Variants in NFIX observed in about 807,000 individuals in gnomAD.
NFIX encodes nuclear factor I X, also known as nuclear factor 1 X-type.
NFIX carries 2 observed loss-of-function variants against 53.3 expected under a neutral mutation model. The ratio of observed to expected loss-of-function variants is 0.04; its 90% CI spans 0.02 to 0.12. The LOEUF (loss-of-function observed/expected upper bound fraction) is 0.12. Ranked by LOEUF, NFIX falls within the 10% of genes least tolerant of loss-of-function variation. The probability of loss-of-function intolerance (pLI) is 1.00; values close to 1 mark genes in which losing one functional copy is unlikely to be tolerated. For synonymous variants in NFIX, 244 were observed against 289.0 expected (o/e 0.84, Z 1.58); for missense variants, 310 against 674.5 (o/e 0.46, Z 5.99).
rs1288033679 is a variant in NFIX, at chr19:13,002,105, G to GCCCTGGGCCCCACAC, written c.27+6251_27+6265dup. ...CCCCGCTGCCCCCACAGCCAGGCAG[G>GCCCTGGGCCCCACAC]CCCTGGGCCCCACACCCCTGGGCCA... On this transcript the variant is annotated intron_variant, in intron 1 of 10. Transcript: ENST00000592199. This position sits in a 1 kb window ranked among gnomAD's most constrained non-coding sequence, Gnocchi z 6.1. Among the ~76,000 whole-genome samples the GCCCTGGGCCCCACAC allele has an allele frequency of 7.2e-5, 11 of 152,168 alleles. No homozygotes were observed. Among genetic ancestry groups the GCCCTGGGCCCCACAC allele is most frequent in the Non-Finnish European group, 1.5e-4 (10 of 68,016 alleles).
Position 13,067,258 on chromosome 19 carries a change from A to G in NFIX, c.560-5789A>G, listed in dbSNP as rs998060195. Among the ~76,000 whole-genome samples, 6 of 151,922 alleles carry G rather than the reference A, an allele frequency of 3.9e-5. No individual in the cohort carries two copies. Among genetic ancestry groups the G allele is most frequent in the Admixed American group, 6.6e-5 (1 of 15,262 alleles). On this transcript the variant is annotated intron_variant, in intron 2 of 10. Transcript: ENST00000592199. This position sits in a 1 kb window ranked among gnomAD's most constrained non-coding sequence, Gnocchi z 4.2. ...CAGAGGCACCCCCAGAACAGAATGT[A>G]CCCCCACTTGCTTCTGGAATGTCAG...
At chr19:13,024,636 G>A in intron 1 of NFIX, 1 of 1,536,390 alleles carries the variant, frequency 6.5e-7, no homozygotes, top group South Asian at 1.2e-5. Flanking sequence ...GATAGAACAT[G>A]GAGATGTCAT....
chr19:13,093,662 T>C lies in NFIX; in HGVS notation c.1495-973T>C, dbSNP rs1342294563. ...GTGGAGTGAACCAGGACCTGGTATG[T>C]GCTCTGTAGTTGGCTCCGCCTGGCC... On this transcript the variant is annotated intron_variant, in intron 10 of 10. Coordinates refer to ENST00000592199, the MANE Select transcript of NFIX (RefSeq NM_001365902.3). This position sits in a 1 kb window ranked among gnomAD's most constrained non-coding sequence, Gnocchi z 4.7. Among the ~76,000 whole-genome samples the C allele has an allele frequency of 2.0e-5, 3 of 152,356 alleles. No homozygotes were observed. The highest frequency in any genetic ancestry group is 2.1e-4 in the South Asian group (1 of 4,832).
rs1202776046 is a variant in NFIX, at chr19:13,096,558, C to T, written c.*1909C>T. On this transcript the variant is annotated 3_prime_UTR_variant, in exon 11 of 11. Transcript: ENST00000592199. ...ACCCCAGGGCTGAGGGGCAGTGGAT[C>T]CTGCGGGAGTCTCCCGGGGCGTGGG... is the stretch of plus-strand genomic sequence containing the variant. 6.6e-6 allele frequency: 1 copy of T among 152,062 alleles called. No individual in the cohort carries two copies. The highest frequency in any genetic ancestry group is 2.4e-5 in the African/African-American group (1 of 41,420). The allele number at this position is 152,062 out of a possible 1,614,324, so 9.4% of individuals were successfully genotyped here. A position where few individuals can be genotyped will look rare whatever the true frequency, so the allele number is the denominator to read the frequency against.
intron 8 of NFIX, among the ~76,000 whole-genome samples, chr19:13,084,117 A>G (rs965296662): frequency 2.0e-5 from 3 of 152,218 alleles, no homozygotes; most frequent in Admixed American, 1.3e-4. Flanking sequence ...ATCAGAAGTC[A>G]CAGATCAGTT....
At chr19:13,058,709 AAC>A in intron 2 of NFIX, among the ~76,000 whole-genome samples, 1 of 152,062 alleles carries the variant, frequency 6.6e-6, no homozygotes, top group South Asian at 2.1e-4. Context: ...GCAAAAAAGA[AAC>A]AGAAAAGAAA....
intron 2 of NFIX, among the ~76,000 whole-genome samples, chr19:13,038,989 G>A (rs1005571458): frequency 1.3e-5 from 2 of 152,174 alleles, no homozygotes; most frequent in Admixed American, 1.3e-4. Flanking sequence ...TGTGCCAAAG[G>A]GGACTCTGTG....
Position 13,036,865 on chromosome 19 carries a change from A to AG in NFIX, c.559+11318dup, listed in dbSNP as rs1290366800. ...ACGTCAGCGGGCATGGTACCTAGTT[A>AG]GGGGGTGGTAGGAGGGACCTGCGGC... is the stretch of plus-strand genomic sequence containing the variant. On this transcript the variant is annotated intron_variant, in intron 2 of 10. Coordinates refer to ENST00000592199, the MANE Select transcript of NFIX (RefSeq NM_001365902.3). This position sits in a 1 kb window ranked among gnomAD's most constrained non-coding sequence, Gnocchi z 4.7. Among the ~76,000 whole-genome samples, 2 of 152,120 alleles carry AG rather than the reference A, an allele frequency of 1.3e-5. No homozygotes were observed. The highest frequency in any genetic ancestry group is 2.9e-5 in the Non-Finnish European group (2 of 68,020).
intron 1 of NFIX, among the ~76,000 whole-genome samples, chr19:13,003,919 C>G (rs750557518): frequency 6.6e-6 from 1 of 152,026 alleles, no homozygotes; most frequent in Admixed American, 6.5e-5. Flanking sequence ...GGACTACAGC[C>G]GAGCACCACC....
rs146366555 is a variant in NFIX at position 13,040,790 on chromosome 19, C to A, written c.559+15238C>A. On this transcript the variant is annotated intron_variant, in intron 2 of 10. Transcript: ENST00000592199. This position sits in a 1 kb window ranked among gnomAD's most constrained non-coding sequence, Gnocchi z 4.2. ...CTCGCGCACACACACAGCCACTTCT[C>A]GAAGCAGATCTTAAAGTTGATTCTG... Among the ~76,000 whole-genome samples the A allele has an allele frequency of 6.1e-3, 936 of 152,260 alleles. 7 individuals carry two copies. Among genetic ancestry groups the A allele is most frequent in the Non-Finnish European group, 6.5e-3 (444 of 68,020 alleles).
At chr19:13,026,477 C>A (rs1292312887) in intron 2 of NFIX, among the ~76,000 whole-genome samples, 6 of 151,898 alleles carry the variant, frequency 4.0e-5, no homozygotes, top group Non-Finnish European at 5.9e-5. Context: ...CATTTTGGGT[C>A]AGGGTGGTTT....
chr19:13,075,779 G>A (rs2017064142), intron 6 of NFIX, 108 bp downstream of exon 6: 11 of 1,291,352 alleles, frequency 8.5e-6, no homozygotes, highest in Non-Finnish European at 1.2e-5. Flanking sequence ...CTGTCGGGGG[G>A]CATTACCCAT....
At chr19:13,030,794 A>C (rs1388792775) in intron 2 of NFIX, among the ~76,000 whole-genome samples, 1 of 152,238 alleles carries the variant, frequency 6.6e-6, no homozygotes, top group African/African-American at 2.4e-5. Flanking sequence ...CATAATTTTC[A>C]GGGCCTTCCA....
In NFIX at chr19:13,076,392, C is replaced by T. The variant is rs112311320; in HGVS notation, c.955+721C>T. Among the ~76,000 whole-genome samples the T allele has an allele frequency of 3.8e-3, 575 of 152,334 alleles. 3 individuals are homozygous for T. Among genetic ancestry groups the T allele is most frequent in the African/African-American group, 0.013 (553 of 41,560 alleles). On this transcript the variant is annotated intron_variant, in intron 6 of 10. Coordinates refer to ENST00000592199, the MANE Select transcript of NFIX (RefSeq NM_001365902.3). ...TGTTGAACCCACCCCCCTTCACCTC[C>T]ATTCTTGACTGAGGGTGCAGACAGA...
intron 7 of NFIX, among the ~76,000 whole-genome samples, chr19:13,079,665 G>C (rs543868134): frequency 1.6e-4 from 25 of 152,256 alleles, no homozygotes; most frequent in Admixed American, 5.2e-4. Context: ...TGTGGTGGCC[G>C]CGAGGTGGGG....
In NFIX at chr19:13,072,944, G is replaced by GTATCA. The variant is rs2016853481; in HGVS notation, c.560-103_560-102insTATCA. On this transcript the variant is annotated intron_variant, in intron 2 of 10. Coordinates refer to ENST00000592199, the MANE Select transcript of NFIX (RefSeq NM_001365902.3). The surrounding 1 kb of genome is among the most constrained non-coding windows in gnomAD (Gnocchi z 4.0). ...GGGTGAAGGTTTCTGTAGCCAGGGTGGGCCGTCCCTGCTCTTGCACCAGGC... is the reference window on the plus strand; with the variant it reads ...GGGTGAAGGTTTCTGTAGCCAGGGTGTATCAGGCCGTCCCTGCTCTTGCACCAGGC... The GTATCA allele has an allele frequency of 9.0e-7, 1 of 1,111,416 alleles. No individual in the cohort carries two copies. Among genetic ancestry groups the GTATCA allele is most frequent in the South Asian group, 1.2e-5 (1 of 80,990 alleles). 68.8% of individuals were successfully genotyped at this position (1,111,416 alleles called of 1,614,324 possible). A position where few individuals can be genotyped will look rare whatever the true frequency, so the allele number is the denominator to read the frequency against.
chr19:13,024,342 C>A, intron 1 of NFIX: 2 of 333,576 alleles, frequency 6.0e-6, no homozygotes, highest in Non-Finnish European at 8.5e-6. Flanking sequence ...GATAACAAAG[C>A]TGAAATCACA....
In NFIX at chr19:13,001,161, G is replaced by A. The variant is rs1455657065; in HGVS notation, c.27+5297G>A. On this transcript the variant is annotated intron_variant, in intron 1 of 10. Coordinates refer to ENST00000592199, the MANE Select transcript of NFIX (RefSeq NM_001365902.3). This position sits in a 1 kb window ranked among gnomAD's most constrained non-coding sequence, Gnocchi z 6.5. ...CCCAAAGCCCTGGATGTGGGGGCAA[G>A]TGGGCCAGGAGGACAGCTGTGAGCC... Among the ~76,000 whole-genome samples, 2 of 152,220 alleles carry A rather than the reference G, an allele frequency of 1.3e-5. No homozygotes were observed. The highest frequency in any genetic ancestry group is 4.8e-5 in the African/African-American group (2 of 41,442).
In NFIX at chr19:13,025,013, G is replaced by C; in HGVS notation, c.28-8G>C. 6.3e-7 allele frequency: 1 copy of C among 1,582,772 alleles called. No individual in the cohort carries two copies. On this transcript the variant is annotated splice_polypyrimidine_tract_variant and splice_region_variant and intron_variant, in intron 1 of 10. Coordinates refer to ENST00000592199, the MANE Select transcript of NFIX (RefSeq NM_001365902.3). This position sits in a 1 kb window ranked among gnomAD's most constrained non-coding sequence, Gnocchi z 7.5. Reference sequence around the variant, plus strand: ...TCGCCCCGCATGCTCCCGGCTTGCCGCCTGCAGGATGAGTTCCACCCGTTC... The same window carrying C: ...TCGCCCCGCATGCTCCCGGCTTGCCCCCTGCAGGATGAGTTCCACCCGTTC...
Sources: allele counts gnomAD v4.1 joint callset (sites outside exome capture counted in the v4.1 genomes callset), GRCh38; gene constraint gnomAD v4.1.1; non-coding constraint Gnocchi (gnomAD v3.1); transcripts MANE v1.5; gene names NCBI Gene and HGNC (gene_info 2026-07-23, HGNC 2026-07-21).